Variants in MCUR1 observed in about 807,000 individuals in gnomAD.
MCUR1 encodes the protein MCU regulator 1.
MCUR1 carries 37 observed loss-of-function variants against 42.0 expected under a neutral mutation model. That is an observed-to-expected ratio of 0.88 (90% CI 0.68 to 1.16). The LOEUF is 1.16. Ranked by LOEUF, MCUR1 falls within the 50% of genes most tolerant of loss-of-function variation. The pLI is 0.00. For synonymous variants in MCUR1, 229 were observed against 196.2 expected (o/e 1.17, Z -1.40); for missense variants, 469 against 468.4 (o/e 1.00, Z -0.01).
intron 2 of MCUR1, among the ~76,000 whole-genome samples, chr6:13,802,823 T>C (rs552102714): frequency 6.6e-6 from 1 of 152,360 alleles, no homozygotes; most frequent in Admixed American, 6.5e-5. Flanking sequence ...AAAAATAATT[T>C]CCTTAAATAG....
intron 1 of MCUR1, among the ~76,000 whole-genome samples, chr6:13,807,458 C>G (rs987411326): frequency 2.0e-5 from 3 of 152,172 alleles, no homozygotes; most frequent in African/African-American, 7.2e-5. Flanking sequence ...AGCATGTTTT[C>G]AAGGGTCATC....
At chr6:13,798,804 C>T in intron 6 of MCUR1, 29 bp downstream of exon 6, 1 of 1,558,086 alleles carries the variant, frequency 6.4e-7, no homozygotes, top group Non-Finnish European at 8.8e-7. Context: ...TAAATTAATT[C>T]ATAATGTGTT....
intron 6 of MCUR1, among the ~76,000 whole-genome samples, chr6:13,795,803 G>A (rs372599526): frequency 6.6e-6 from 1 of 151,992 alleles, no homozygotes; most frequent in South Asian, 2.1e-4. Flanking sequence ...TAGGGTGATG[G>A]GGGCACCAAA....
chr6:13,813,232 T>G (rs1262624398), intron 1 of MCUR1, among the ~76,000 whole-genome samples: 1 of 152,184 alleles, frequency 6.6e-6, no homozygotes, highest in African/African-American at 2.4e-5. Context: ...GACTCATTTC[T>G]CAGTAGGCGA....
At chr6:13,806,883 G>C (rs373860106) in intron 2 of MCUR1, 42 bp downstream of exon 2, 25 of 1,532,864 alleles carry the variant, frequency 1.6e-5, no homozygotes, top group Middle Eastern at 3.5e-4. Flanking sequence ...ATAATTTAAA[G>C]TGTTTTTCTA....
At position 13,814,151 on chromosome 6, in the gene MCUR1, C is replaced by T; in HGVS notation, c.279G>A (p.Glu93=). The change falls in exon 1 of 9, where the codon GAG becomes GAA. Residue 93 remains glutamate (E), a synonymous_variant. Transcript: ENST00000379170. ...AAPRRQLGDW[E]RSRLGYAAPP... Reference sequence around the variant, plus strand: ...GTGCGGCATACCCGAGGCGCGAGCGCTCCCAGTCCCCGAGCTGCCGGCGCG... The same window carrying T: ...GTGCGGCATACCCGAGGCGCGAGCGTTCCCAGTCCCCGAGCTGCCGGCGCG... The T allele has an allele frequency of 7.6e-7, 1 of 1,320,620 alleles. No homozygotes were observed. Among genetic ancestry groups the T allele is most frequent in the Non-Finnish European group, 9.6e-7 (1 of 1,041,966 alleles). The allele number at this position is 1,320,620 out of a possible 1,614,324, so 81.8% of individuals were successfully genotyped here. A position where few individuals can be genotyped will look rare whatever the true frequency, so the allele number is the denominator to read the frequency against.
intron 1 of MCUR1, among the ~76,000 whole-genome samples, 193 bp downstream of exon 1, chr6:13,813,822 C>A (rs1760293008): frequency 6.6e-6 from 1 of 152,202 alleles, no homozygotes; most frequent in African/African-American, 2.4e-5. Flanking sequence ...CTCTTCTGGG[C>A]TAAGCCCCGC....
At chr6:13,791,342 T>C (rs2113451591) in intron 8 of MCUR1, among the ~76,000 whole-genome samples, 1 of 152,344 alleles carries the variant, frequency 6.6e-6, no homozygotes, top group Non-Finnish European at 1.5e-5. Context: ...CACAATTTAA[T>C]ATAAAGAACA....
chr6:13,795,159 A>G (rs897337025), intron 6 of MCUR1, among the ~76,000 whole-genome samples: 1 of 152,088 alleles, frequency 6.6e-6, no homozygotes, highest in African/African-American at 2.4e-5. Flanking sequence ...AAGAGAAACA[A>G]AAACAAAAAC....
At chr6:13,802,448 A>C (rs903035742) in intron 2 of MCUR1, 102 bp from the exon 3 acceptor site, 1 of 881,158 alleles carries the variant, frequency 1.1e-6, no homozygotes, top group African/African-American at 1.7e-5. Flanking sequence ...GGAAGAGTAC[A>C]GCACAGTGTG....
intron 1 of MCUR1, among the ~76,000 whole-genome samples, chr6:13,811,168 T>C (rs886260364): frequency 6.6e-6 from 1 of 152,206 alleles, no homozygotes; most frequent in African/African-American, 2.4e-5. Context: ...GCAACCTTTA[T>C]TGAGCCCATA....
At chr6:13,795,112 G>T (rs12523834) in intron 6 of MCUR1, among the ~76,000 whole-genome samples, 3 of 149,022 alleles carry the variant, frequency 2.0e-5, no homozygotes, top group Admixed American at 1.3e-4. Flanking sequence ...ACTACTGGGA[G>T]CTTAGAAGTA....
In MCUR1 at chr6:13,789,819, G is replaced by A. The variant is rs550103899; in HGVS notation, c.*990C>T. 25 of 152,228 alleles carry A rather than the reference G, an allele frequency of 1.6e-4. No homozygotes were observed. The highest frequency in any genetic ancestry group is 5.2e-4 in the Admixed American group (8 of 15,276). 9.4% of individuals were successfully genotyped at this position (152,228 alleles called of 1,614,324 possible). A position where few individuals can be genotyped will look rare whatever the true frequency, so the allele number is the denominator to read the frequency against. ...TTCTCAAATCATGAGGGAAAGAGAT[G>A]GAGAAGAGGGAGGGAGGAGGGAAAA... On this transcript the variant is annotated 3_prime_UTR_variant, in exon 9 of 9. Transcript: ENST00000379170.
At chr6:13,795,253 G>A (rs139568848) in intron 6 of MCUR1, among the ~76,000 whole-genome samples, 68 of 152,204 alleles carry the variant, frequency 4.5e-4, no homozygotes, top group Admixed American at 1.4e-3. Context: ...CAGACCAGGA[G>A]AGCCCGATGC....
chr6:13,791,783 G>A, intron 8 of MCUR1, 95 bp downstream of exon 8: 1 of 755,334 alleles, frequency 1.3e-6, no homozygotes, highest in Non-Finnish European at 2.1e-6. Context: ...ATTTCAGAAA[G>A]TGTTGGAATC....
At chr6:13,795,191 C>A (rs1207402630) in intron 6 of MCUR1, among the ~76,000 whole-genome samples, 1 of 151,784 alleles carries the variant, frequency 6.6e-6, no homozygotes, top group Non-Finnish European at 1.5e-5. Flanking sequence ...AAACCCTAAG[C>A]CAAGGAGTAG....
intron 7 of MCUR1, among the ~76,000 whole-genome samples, chr6:13,793,099 C>T (rs1479378466): frequency 7.4e-6 from 1 of 135,334 alleles, no homozygotes; most frequent in Non-Finnish European, 1.5e-5. Context: ...GCACTCCAGC[C>T]TGGGTGACAG....
rs1759815472 is a variant in MCUR1, at chr6:13,794,732, C to T, written c.856-785G>A. Among the ~76,000 whole-genome samples the T allele has an allele frequency of 2.7e-5, 4 of 150,872 alleles. No homozygotes were observed. The South Asian group carries it at 8.4e-4, about 32-fold the overall frequency. On this transcript the variant is annotated intron_variant, in intron 6 of 8. Coordinates refer to ENST00000379170, the MANE Select transcript of MCUR1 (RefSeq NM_001031713.4). ...GTGGCTTGATCTGGGGTCCCTGCAA[C>T]CTCTGCCTCCCAGGTTCAAGCAATT...
At chr6:13,807,909 T>C (rs759036862) in intron 1 of MCUR1, among the ~76,000 whole-genome samples, 19 of 152,210 alleles carry the variant, frequency 1.2e-4, no homozygotes, top group Non-Finnish European at 2.5e-4. Flanking sequence ...ATGGGCTTGT[T>C]GGCCATTTGG....
Sources: gnomAD v4.1 joint callset for allele counts (sites outside exome capture counted in the v4.1 genomes callset) on GRCh38, gnomAD v4.1.1 for gene constraint, MANE v1.5 for transcripts, NCBI Gene and HGNC (gene_info 2026-07-23, HGNC 2026-07-21) for gene names.